DNAH5: variants seen among roughly 807,000 people sequenced by gnomAD.
DNAH5 encodes axonemal beta dynein heavy chain 5.
DNAH5 carries 372 observed loss-of-function variants against 518.2 expected under a neutral mutation model. The ratio of observed to expected loss-of-function variants is 0.72; its 90% CI spans 0.66 to 0.78. The LOEUF is 0.78. Among genes scored for constraint, DNAH5 ranks in the 30% least tolerant of loss-of-function variants. DNAH5 has a pLI of 0.00. For synonymous variants in DNAH5, 2,039 were observed against 2,025.9 expected, an observed-to-expected ratio of 1.01 and a Z score of -0.17; for missense variants, 5,523 against 5,687.0, an observed-to-expected ratio of 0.97 and a Z score of 0.93.
At chr5:13,740,848 C>T (rs901146968) in intron 65 of DNAH5, among the ~76,000 whole-genome samples, 1 of 152,158 alleles carries the variant, frequency 6.6e-6, no homozygotes, top group African/African-American at 2.4e-5. Flanking sequence ...CCAGCTCTCC[C>T]GCTCACCAGT....
At chr5:13,980,578 C>T (rs1354289059) in intron 1 of DNAH5, among the ~76,000 whole-genome samples, 1 of 152,102 alleles carries the variant, frequency 6.6e-6, no homozygotes, top group Non-Finnish European at 1.5e-5. Context: ...AGCTCTGCTG[C>T]AAAATATAGC....
rs1388754784 is a variant in DNAH5 at position 13,810,264 on chromosome 5, A to G, written c.7408-4T>C. ...GGCTCACCTCCCCGCCTTGCTCCTGAGAAGGAAAGACACTTTTTTTTAATA... is the reference window on the plus strand; with the variant it reads ...GGCTCACCTCCCCGCCTTGCTCCTGGGAAGGAAAGACACTTTTTTTTAATA... On this transcript the variant is annotated splice_polypyrimidine_tract_variant and splice_region_variant and intron_variant, in intron 44 of 78. Coordinates refer to ENST00000265104, the MANE Select transcript of DNAH5 (RefSeq NM_001369.3). The G allele has an allele frequency of 1.3e-6, 2 of 1,549,976 alleles. No homozygotes were observed. Among genetic ancestry groups the G allele is most frequent in the Admixed American group, 3.9e-5 (2 of 51,018 alleles).
intron 75 of DNAH5, among the ~76,000 whole-genome samples, chr5:13,708,690 C>T (rs989897783): frequency 6.6e-6 from 1 of 152,196 alleles, no homozygotes; most frequent in African/African-American, 2.4e-5. Flanking sequence ...TGGACACACA[C>T]AAGCAAACAT....
chr5:13,697,930 G>C (rs1019612531), intron 78 of DNAH5, among the ~76,000 whole-genome samples: 1 of 152,204 alleles, frequency 6.6e-6, no homozygotes, highest in African/African-American at 2.4e-5. Context: ...AAAATTTCAT[G>C]TGTTGAAAAC....
chr5:13,753,341 A>G lies in DNAH5; in HGVS notation c.10764T>C (p.Ile3588=), dbSNP rs1260916379. The G allele has an allele frequency of 1.2e-6, 2 of 1,613,914 alleles. No homozygotes were observed. The highest frequency in any genetic ancestry group is 1.3e-5 in the African/African-American group (1 of 74,946). The change falls in exon 63 of 79, where the codon ATT becomes ATC. Residue 3588 remains isoleucine (I), a synonymous_variant. Coordinates refer to ENST00000265104, the MANE Select transcript of DNAH5 (RefSeq NM_001369.3). ...CCTTCGTGACAATAATTCCATTTTG[A>G]ATGGACAAGTCATCATTTGGCAGAC... ...LQGLPNDDLS[I]QNGIIVTKAS...
At position 13,701,310 on chromosome 5, in the gene DNAH5, G is replaced by T; in HGVS notation, c.13465C>A (p.Gln4489Lys). Residue 4489 changes from glutamine to lysine, a missense_variant, in exon 77 of 79, where the codon CAG becomes AAG. Physicochemically the swap from Gln to Lys is moderately conservative, Grantham distance 53. Transcript: ENST00000265104. The stretch of plus-strand genomic sequence containing the variant: ...TGTCGCATTGCAGTTAAAAATCCCT[G>T]GGGGTTAAAAAAACCCGTCATCCAA... ...CFWMTGFFNP[Q>K]GFLTAMRQEI... is the part of the protein sequence containing the mutation. The T allele has an allele frequency of 6.2e-7, 1 of 1,613,912 alleles. No individual in the cohort carries two copies. Among genetic ancestry groups the T allele is most frequent in the East Asian group, 2.2e-5 (1 of 44,860 alleles).
chr5:13,999,650 A>T (rs1005982665), intron 1 of DNAH5, among the ~76,000 whole-genome samples: 1 of 152,230 alleles, frequency 6.6e-6, no homozygotes, highest in Non-Finnish European at 1.5e-5. Flanking sequence ...TGCAATAAAC[A>T]CGAGAACACT....
At chr5:13,897,621 T>C (rs1355485595) in intron 15 of DNAH5, 1 of 152,240 alleles carries the variant, frequency 6.6e-6, no homozygotes, top group Non-Finnish European at 1.5e-5. Flanking sequence ...CTGTCAAATA[T>C]TCAGCACAAT....
intron 46 of DNAH5, among the ~76,000 whole-genome samples, chr5:13,808,246 A>AAAAAAAAAAAAAAG (rs1377994954): frequency 2.0e-4 from 29 of 143,754 alleles, no homozygotes; most frequent in African/African-American, 7.3e-4. Context: ...AAAAAAAAAA[A>AAAAAAAAAAAAAAG]AAGAGGAAAT....
chr5:13,958,885 C>A (rs987063262), intron 1 of DNAH5, among the ~76,000 whole-genome samples: 21 of 152,314 alleles, frequency 1.4e-4, no homozygotes, highest in Non-Finnish European at 2.6e-4. Context: ...AGAAGTCACA[C>A]AAATCACAAG....
intron 1 of DNAH5, among the ~76,000 whole-genome samples, chr5:13,982,100 C>T (rs1782712576): frequency 6.6e-6 from 1 of 152,260 alleles, no homozygotes; most frequent in African/African-American, 2.4e-5. Context: ...TTCATAAACA[C>T]TGTGCTGCCA....
Position 13,692,153 on chromosome 5 carries a change from G to A in DNAH5, c.13724-18C>T. 1 of 1,613,772 alleles carries A rather than the reference G, an allele frequency of 6.2e-7. No individual in the cohort carries two copies. Among genetic ancestry groups the A allele is most frequent in the Non-Finnish European group, 8.5e-7 (1 of 1,179,826 alleles). On this transcript the variant is annotated intron_variant, in intron 78 of 78. Transcript: ENST00000265104. ...TCGTAAAGCTACAAAAAACATAAAA[G>A]AAAAGAACTTGGTGAAATTTCCACT...
At position 13,714,325 on chromosome 5, in the gene DNAH5, CCCT is replaced by C; in HGVS notation, c.13125+77_13125+79del. On this transcript the variant is annotated intron_variant, in intron 75 of 78. Coordinates refer to ENST00000265104, the MANE Select transcript of DNAH5 (RefSeq NM_001369.3). ...TTAATTTCAGGAAAATCATTTTTTG[CCCT>C]CCTTTCTTCTTCCTCACTCTCCCAA... 4 of 1,366,330 alleles carry C rather than the reference CCCT, an allele frequency of 2.9e-6. 1 individual carries two copies. The highest frequency in any genetic ancestry group is 4.1e-6 in the Non-Finnish European group (4 of 964,990). 84.6% of individuals were successfully genotyped at this position (1,366,330 alleles called of 1,614,324 possible). A position where few individuals can be genotyped will look rare whatever the true frequency, so the allele number is the denominator to read the frequency against.
intron 1 of DNAH5, among the ~76,000 whole-genome samples, chr5:13,986,891 G>A (rs184639738): frequency 1.1e-3 from 173 of 152,332 alleles, no homozygotes; most frequent in Non-Finnish European, 1.9e-3. Context: ...TGAACAGTCT[G>A]CATGCCTCTC....
At chr5:13,763,488 T>C (rs1199458730) in intron 59 of DNAH5, among the ~76,000 whole-genome samples, 2 of 152,198 alleles carry the variant, frequency 1.3e-5, no homozygotes, top group African/African-American at 2.4e-5. Flanking sequence ...TATCTTCTGG[T>C]GGGATAAAAA....
At chr5:13,916,955 T>C (rs1473057405) in intron 8 of DNAH5, among the ~76,000 whole-genome samples, 188 bp downstream of exon 8, 3 of 152,256 alleles carry the variant, frequency 2.0e-5, no homozygotes, top group Admixed American at 6.5e-5. Flanking sequence ...CTTAGAGAAA[T>C]AGATATAGAA....
intron 75 of DNAH5, among the ~76,000 whole-genome samples, chr5:13,714,190 C>T (rs1172724900): frequency 2.0e-5 from 3 of 152,218 alleles, no homozygotes; most frequent in African/African-American, 7.2e-5. Flanking sequence ...TATTAACATT[C>T]TCAACAGGTT....
Position 13,770,730 on chromosome 5 carries a change from AT to A in DNAH5, c.9605+18del, listed in dbSNP as rs1466842650. 6.2e-7 allele frequency: 1 copy of A among 1,606,960 alleles called. No individual in the cohort carries two copies. Among genetic ancestry groups the A allele is most frequent in the South Asian group, 1.1e-5 (1 of 90,854 alleles). ...AGCCACGGCTTTAATATAGCTTTGT[AT>A]AAGAACATCACACTTACCTGTTGGC... On this transcript the variant is annotated intron_variant, in intron 56 of 78. Coordinates refer to ENST00000265104, the MANE Select transcript of DNAH5 (RefSeq NM_001369.3).
intron 3 of DNAH5, 35 bp from the exon 4 acceptor site, chr5:13,923,475 C>T (rs1188471469): frequency 4.3e-6 from 7 of 1,612,182 alleles, no homozygotes; most frequent in African/African-American, 2.7e-5. Context: ...TTCACAAATG[C>T]TTTTTGCAGT....
Sources: allele counts gnomAD v4.1 joint callset (sites outside exome capture counted in the v4.1 genomes callset), GRCh38; gene constraint gnomAD v4.1.1; transcripts MANE v1.5; gene names NCBI Gene and HGNC (gene_info 2026-07-23, HGNC 2026-07-21).